Variants in RDH13 observed in about 807,000 individuals in gnomAD.
RDH13 encodes retinol dehydrogenase 13 (all-trans and 9-cis).
Under a neutral mutation model 28.3 loss-of-function variants are expected in RDH13, and 35 were observed. That is an observed-to-expected ratio of 1.24 (90% confidence interval 0.95 to 1.64). RDH13 has a LOEUF of 1.64. Among genes scored for constraint, RDH13 ranks in the 40% most tolerant of loss-of-function variants. The pLI is 0.00. For missense variants in RDH13, 514 were observed against 446.3 expected, an observed-to-expected ratio of 1.15 and a Z score of -1.37; for synonymous variants, 229 against 198.5, an observed-to-expected ratio of 1.15 and a Z score of -1.29.
chr19:55,042,672 A>C (rs1004852862), downstream of RDH13: 1 of 152,136 alleles, frequency 6.6e-6, no homozygotes, highest in African/African-American at 2.4e-5. Context: ...TAGTCTTCCA[A>C]TTCCCCCTCC....
intron 3 of RDH13, among the ~76,000 whole-genome samples, chr19:55,053,273 C>A (rs61215036): frequency 0.15 from 22,118 of 152,146 alleles, 1,853 homozygotes; most frequent in African/African-American, 0.22. Context: ...AAATCCACTG[C>A]TGTCTTTATT....
chr19:55,055,694 AAAAC>A (rs966659325), intron 3 of RDH13, among the ~76,000 whole-genome samples: 7 of 151,488 alleles, frequency 4.6e-5, no homozygotes, highest in Admixed American at 1.3e-4. Flanking sequence ...ACAAAACAAT[AAAAC>A]AATAATTAGC....
intron 6 of RDH13, chr19:55,047,153 G>A (rs930603487): frequency 1.4e-6 from 2 of 1,405,240 alleles, no homozygotes; most frequent in African/African-American, 1.4e-5. Flanking sequence ...CTCTTCCTCT[G>A]AGACACGGTT....
intron 6 of RDH13, 119 bp downstream of exon 6, chr19:55,047,268 A>T: frequency 1.4e-6 from 2 of 1,467,314 alleles, no homozygotes; most frequent in Non-Finnish European, 1.8e-6. Flanking sequence ...CAGAAGACGT[A>T]GGCGAGGAGC....
intron 3 of RDH13, among the ~76,000 whole-genome samples, chr19:55,055,182 T>C (rs540098698): frequency 6.6e-6 from 1 of 152,184 alleles, no homozygotes; most frequent in African/African-American, 2.4e-5. Flanking sequence ...AGACAGAGTC[T>C]CACTCTGTCA....
chr19:55,067,704 G>C (rs1568752225), upstream of RDH13: 2 of 152,260 alleles, frequency 1.3e-5, no homozygotes, highest in Non-Finnish European at 2.9e-5. Flanking sequence ...TGGCTGAGAT[G>C]TAGAGTATGG....
Position 55,047,403 on chromosome 19 carries a change from G to A in RDH13, c.744C>T (p.Phe248=). ...GGGACTCACCGAGTGTGGTGCTGGAGAAGGTGGAGCCATGGATGCCCGTGT... is the reference window on the plus strand; with the variant it reads ...GGGACTCACCGAGTGTGGTGCTGGAAAAGGTGGAGCCATGGATGCCCGTGT... ...GRHTGIHGST[F]SSTTLGPIFW... Residue 248 remains phenylalanine (F), a synonymous_variant, in exon 6 of 7, where the codon TTC becomes TTT. Coordinates refer to ENST00000415061, the MANE Select transcript of RDH13 (RefSeq NM_001145971.2). 6.2e-7 allele frequency: 1 copy of A among 1,612,022 alleles called. No homozygotes were observed. The highest frequency in any genetic ancestry group is 1.3e-5 in the African/African-American group (1 of 75,060).
In RDH13 at chr19:55,056,636, G is replaced by A; in HGVS notation, c.340+17C>T. ...GCCTATCCCAGTCCTCATCCCACAT[G>A]GCCAGCGTTCTCCTACCTTCAATGA... On this transcript the variant is annotated intron_variant, in intron 3 of 6. Coordinates refer to ENST00000415061, the MANE Select transcript of RDH13 (RefSeq NM_001145971.2). 6.2e-7 allele frequency: 1 copy of A among 1,613,410 alleles called. No homozygotes were observed. Among genetic ancestry groups the A allele is most frequent in the South Asian group, 1.1e-5 (1 of 91,002 alleles).
At chr19:55,063,379 G>GAA, upstream of RDH13, 1 of 304,492 alleles carries the variant, frequency 3.3e-6, no homozygotes, top group East Asian at 5.2e-5. Context: ...GTTCTGGAGT[G>GAA]AAATAGGTTC....
intron 3 of RDH13, among the ~76,000 whole-genome samples, chr19:55,052,852 C>T (rs531679246): frequency 3.3e-5 from 5 of 151,954 alleles, no homozygotes; most frequent in African/African-American, 4.8e-5. Flanking sequence ...TTAGTAGACA[C>T]GGGGTTTCAC....
At chr19:55,057,534 G>C (rs1381316861) in intron 2 of RDH13, among the ~76,000 whole-genome samples, 2 of 151,234 alleles carry the variant, frequency 1.3e-5, no homozygotes, top group African/African-American at 2.4e-5. Flanking sequence ...CTGGGTTCAA[G>C]CAATTCTCCT....
rs551046757 is a variant in RDH13, at chr19:55,048,035, T to G, written c.658+294A>C. The G allele has an allele frequency of 3.6e-4, 516 of 1,450,186 alleles. 1 individual carries two copies. The highest frequency in any genetic ancestry group is 4.3e-4 in the Non-Finnish European group (473 of 1,098,760). The allele number at this position is 1,450,186 out of a possible 1,614,324, so 89.8% of individuals were successfully genotyped here. ...AACTGCGGGTCAAAACTGCCCCTGGTTGAGACTCACTGGCTGGAGCCAAAA... is the reference window on the plus strand; with the variant it reads ...AACTGCGGGTCAAAACTGCCCCTGGGTGAGACTCACTGGCTGGAGCCAAAA... On this transcript the variant is annotated intron_variant, in intron 5 of 6. Transcript: ENST00000415061.
In RDH13 at chr19:55,059,093, T is replaced by C. The variant is rs548423065; in HGVS notation, c.184+64A>G. 3.6e-5 allele frequency: 40 copies of C among 1,101,736 alleles called. No homozygotes were observed. The East Asian group carries it at 1.0e-3, about 28-fold the overall frequency. 68.2% of individuals were successfully genotyped at this position (1,101,736 alleles called of 1,614,324 possible). On this transcript the variant is annotated intron_variant, in intron 2 of 6. Transcript: ENST00000415061. Reference sequence around the variant, plus strand: ...GTTCCTTCCACCTCCGGACTGTGAATAATGCTGCAGTGAGCATGGATGTAC... The same window carrying C: ...GTTCCTTCCACCTCCGGACTGTGAACAATGCTGCAGTGAGCATGGATGTAC...
rs541081768 is a variant in RDH13 at position 55,045,029 on chromosome 19, C to G, written c.*45G>C. On this transcript the variant is annotated 3_prime_UTR_variant, in exon 7 of 7. Coordinates refer to ENST00000415061, the MANE Select transcript of RDH13 (RefSeq NM_001145971.2). ...GCTGCGGGCATGGCGGACAGCTGTCCTCGGTCTGGAGGCGCCATCCTGGCT... is the reference window on the plus strand; with the variant it reads ...GCTGCGGGCATGGCGGACAGCTGTCGTCGGTCTGGAGGCGCCATCCTGGCT... 7.0e-7 allele frequency: 1 copy of G among 1,424,856 alleles called. No individual in the cohort carries two copies. The highest frequency in any genetic ancestry group is 1.3e-5 in the South Asian group (1 of 76,436). 88.3% of individuals were successfully genotyped at this position (1,424,856 alleles called of 1,614,324 possible). A position where few individuals can be genotyped will look rare whatever the true frequency, so the allele number is the denominator to read the frequency against.
chr19:55,063,233 A>G, upstream of RDH13: 1 of 442,182 alleles, frequency 2.3e-6, no homozygotes, highest in Non-Finnish European at 3.9e-6. Flanking sequence ...GACGGGACCT[A>G]TGAGCATCGG....
intron 5 of RDH13, among the ~76,000 whole-genome samples, 170 bp from the exon 6 acceptor site, chr19:55,047,658 C>T (rs1381872154): frequency 6.6e-6 from 1 of 152,094 alleles, no homozygotes; most frequent in East Asian, 1.9e-4. Context: ...TCTTGCGGAG[C>T]GGCTCTGCCA....
In RDH13 at chr19:55,047,560, C is replaced by T. The variant is rs562314587; in HGVS notation, c.659-72G>A. The T allele has an allele frequency of 1.7e-4, 261 of 1,523,376 alleles. No individual in the cohort carries two copies. In the African/African-American group the frequency reaches 3.3e-3, roughly 19 times the overall value. The allele number at this position is 1,523,376 out of a possible 1,614,324, so 94.4% of individuals were successfully genotyped here. ...CTGGGAGGCTGTGGCAGCCCACACC[C>T]AGCTGTGGGGCTTCCGGGCACCAGG... is the stretch of plus-strand genomic sequence containing the variant. On this transcript the variant is annotated intron_variant, in intron 5 of 6. Transcript: ENST00000415061.
intron 1 of RDH13, among the ~76,000 whole-genome samples, chr19:55,062,584 G>A (rs767340824): frequency 4.6e-5 from 7 of 151,748 alleles, no homozygotes; most frequent in African/African-American, 7.2e-5. Flanking sequence ...GGACGCCAAG[G>A]TGGGAGGATC....
downstream of RDH13, chr19:55,042,128 G>T (rs1456328926): frequency 3.2e-5 from 4 of 125,394 alleles, no homozygotes; most frequent in Admixed American, 9.1e-5. Flanking sequence ...CCTGTTTGGG[G>T]TTTGCTGGCT....
Sources: gnomAD v4.1 joint callset for allele counts (sites outside exome capture counted in the v4.1 genomes callset) on GRCh38, gnomAD v4.1.1 for gene constraint, MANE v1.5 for transcripts, NCBI Gene and HGNC (gene_info 2026-07-23, HGNC 2026-07-21) for gene names.